The following MDGA2 variants were observed in gnomAD, a reference collection of about 807,000 sequenced individuals.
The protein encoded by MDGA2 is MAM domain containing glycosylphosphatidylinositol anchor 2, also known as MAM domain-containing glycosylphosphatidylinositol anchor protein 2.
Under a neutral mutation model 117.8 loss-of-function variants are expected in MDGA2, and 40 were observed. The ratio of observed to expected loss-of-function variants is 0.34; its 90% CI spans 0.26 to 0.44. The LOEUF (loss-of-function observed/expected upper bound fraction) is 0.44. Ranked by LOEUF, MDGA2 falls within the 20% of genes least tolerant of loss-of-function variation. MDGA2 has a pLI of 1.00. For missense variants in MDGA2, 1,123 were observed against 1,250.6 expected (o/e 0.90, Z 1.54); for synonymous variants, 452 against 439.0 (o/e 1.03, Z -0.37).
intron 1 of MDGA2, among the ~76,000 whole-genome samples, chr14:47,586,152 G>A (rs987260751): frequency 6.6e-6 from 1 of 151,854 alleles, no homozygotes; most frequent in African/African-American, 2.4e-5. Context: ...AATTAAGCTT[G>A]TTTCAATGAT....
intron 1 of MDGA2, among the ~76,000 whole-genome samples, chr14:47,452,071 A>G (rs1893252705): frequency 1.3e-5 from 2 of 152,132 alleles, no homozygotes; most frequent in Non-Finnish European, 2.9e-5. Context: ...TTTAATAGCT[A>G]AAAAGAAATA....
At chr14:47,274,845 T>C (rs1888260293) in intron 2 of MDGA2, among the ~76,000 whole-genome samples, 1 of 152,178 alleles carries the variant, frequency 6.6e-6, no homozygotes, top group Admixed American at 6.6e-5. Flanking sequence ...TACGCACTTA[T>C]TGAACACTTG....
intron 3 of MDGA2, among the ~76,000 whole-genome samples, chr14:47,150,126 G>T (rs1432465973): frequency 6.6e-6 from 1 of 152,110 alleles, no homozygotes; most frequent in South Asian, 2.1e-4. Context: ...GGAAATGACT[G>T]CCTCTAATTA....
intron 1 of MDGA2, among the ~76,000 whole-genome samples, chr14:47,353,173 T>G (rs1039554319): frequency 6.6e-6 from 1 of 152,222 alleles, no homozygotes; most frequent in African/African-American, 2.4e-5. Flanking sequence ...TAGCTGTACA[T>G]GCTTGCTCAT....
intron 1 of MDGA2, among the ~76,000 whole-genome samples, chr14:47,647,178 A>G (rs1897550407): frequency 6.6e-6 from 1 of 152,140 alleles, no homozygotes; most frequent in African/African-American, 2.4e-5. Context: ...GATTAAAAAT[A>G]CTCTAAGATT....
chr14:47,255,005 C>A (rs1207394447), intron 2 of MDGA2, among the ~76,000 whole-genome samples: 1 of 152,134 alleles, frequency 6.6e-6, no homozygotes, highest in Non-Finnish European at 1.5e-5. Flanking sequence ...ATGAGCGAAA[C>A]CTCCCCCATG....
At chr14:47,611,023 T>G (rs1002283436) in intron 1 of MDGA2, among the ~76,000 whole-genome samples, 1 of 151,952 alleles carries the variant, frequency 6.6e-6, no homozygotes, top group African/African-American at 2.4e-5. Context: ...CATAGGCCAA[T>G]GGAACAGAAT....
At chr14:47,249,164 C>T (rs112363524) in intron 2 of MDGA2, among the ~76,000 whole-genome samples, 2 of 151,692 alleles carry the variant, frequency 1.3e-5, no homozygotes, top group Non-Finnish European at 2.9e-5. Context: ...ACTACAGGCA[C>T]GCACCACCAT....
intron 2 of MDGA2, among the ~76,000 whole-genome samples, chr14:47,241,228 AT>A (rs1015894189): frequency 1.3e-5 from 2 of 151,850 alleles, no homozygotes; most frequent in African/African-American, 4.8e-5. Context: ...GGGAAGGGAA[AT>A]ACCTTAAGTA....
At chr14:46,902,519 T>C (rs1309016519) in intron 10 of MDGA2, among the ~76,000 whole-genome samples, 2 of 152,194 alleles carry the variant, frequency 1.3e-5, no homozygotes, top group Non-Finnish European at 2.9e-5. Context: ...CTTATTTCCT[T>C]CCAAAATATT....
At chr14:47,528,581 C>T (rs1895022714) in intron 1 of MDGA2, among the ~76,000 whole-genome samples, 1 of 151,888 alleles carries the variant, frequency 6.6e-6, no homozygotes, top group Non-Finnish European at 1.5e-5. Flanking sequence ...AATAATAATC[C>T]ACAAAAAGTA....
intron 2 of MDGA2, among the ~76,000 whole-genome samples, chr14:47,283,532 T>C (rs1888571443): frequency 6.6e-6 from 1 of 152,198 alleles, no homozygotes; most frequent in Admixed American, 6.5e-5. Flanking sequence ...ATGAATACCA[T>C]TTTGTTACAT....
chr14:47,110,625 G>C (rs761327450), intron 5 of MDGA2, among the ~76,000 whole-genome samples: 1 of 151,872 alleles, frequency 6.6e-6, no homozygotes, highest in Non-Finnish European at 1.5e-5. Context: ...TAGAAATTTT[G>C]GCTAACATTT....
At chr14:47,522,143 T>C (rs1894880348) in intron 1 of MDGA2, among the ~76,000 whole-genome samples, 1 of 152,150 alleles carries the variant, frequency 6.6e-6, no homozygotes, top group Non-Finnish European at 1.5e-5. Context: ...CATTAACTAA[T>C]ATAAACCAAT....
At chr14:47,437,960 A>G (rs79410768) in intron 1 of MDGA2, among the ~76,000 whole-genome samples, 2,010 of 152,254 alleles carry the variant, frequency 0.013, 41 homozygotes, top group East Asian at 0.1. Flanking sequence ...TTTCCTCATG[A>G]AGCACAGTAC....
intron 5 of MDGA2, among the ~76,000 whole-genome samples, chr14:47,131,024 T>G (rs535206597): frequency 6.6e-6 from 1 of 151,874 alleles, no homozygotes; most frequent in African/African-American, 2.4e-5. Context: ...TAATAATATA[T>G]ATATGTAAAA....
chr14:47,361,186 A>ACTCTCTCTCTCT (rs374880544), intron 1 of MDGA2, among the ~76,000 whole-genome samples: 2 of 142,270 alleles, frequency 1.4e-5, no homozygotes, highest in Non-Finnish European at 3.0e-5. Context: ...GTCATGTTGT[A>ACTCTCTCTCTCT]CTCTCTCTCT....
chr14:47,632,981 ATATGT>A (rs1897264842), intron 1 of MDGA2, among the ~76,000 whole-genome samples: 1 of 152,146 alleles, frequency 6.6e-6, no homozygotes, highest in African/African-American at 2.4e-5. Context: ...GATAATGGAA[ATATGT>A]TATCTCATAT....
intron 1 of MDGA2, among the ~76,000 whole-genome samples, chr14:47,368,697 A>G (rs899879754): frequency 1.3e-5 from 2 of 152,200 alleles, no homozygotes; most frequent in African/African-American, 4.8e-5. Context: ...ATACTATCAC[A>G]TTTTATATTT....
Sources: gnomAD v4.1 joint callset for allele counts (sites outside exome capture counted in the v4.1 genomes callset) on GRCh38, gnomAD v4.1.1 for gene constraint, MANE v1.5 for transcripts, NCBI Gene and HGNC (gene_info 2026-07-23, HGNC 2026-07-21) for gene names.